Variants in ATP8B4 observed in about 807,000 individuals in gnomAD.
ATP8B4 encodes ATPase phospholipid transporting 8B4 (putative), also known as probable phospholipid-transporting ATPase IM.
A neutral mutation model predicts 145.6 loss-of-function variants in ATP8B4; 133 were observed. The observed-to-expected ratio is 0.91, with a 90% CI of 0.79 to 1.05. ATP8B4 has a LOEUF of 1.05. Ranked by LOEUF, ATP8B4 falls within the 50% of genes least tolerant of loss-of-function variation. ATP8B4 has a pLI of 0.00. For missense variants in ATP8B4, 1,458 were observed against 1,425.2 expected (o/e 1.02, Z -0.37); for synonymous variants, 507 against 492.9 (o/e 1.03, Z -0.38).
At chr15:50,023,022 C>T (rs900947213) in intron 6 of ATP8B4, among the ~76,000 whole-genome samples, 1 of 152,130 alleles carries the variant, frequency 6.6e-6, no homozygotes, top group Non-Finnish European at 1.5e-5. Flanking sequence ...TGAAAACTTT[C>T]TGCCAGAAAG....
At chr15:50,176,810 A>T (rs2044770307) in intron 1 of ATP8B4, among the ~76,000 whole-genome samples, 1 of 152,202 alleles carries the variant, frequency 6.6e-6, no homozygotes, top group Non-Finnish European at 1.5e-5. Context: ...CTCAAATTAT[A>T]AATTGTCCTG....
At chr15:49,996,114 G>C (rs1045928713) in intron 9 of ATP8B4, among the ~76,000 whole-genome samples, 2 of 152,112 alleles carry the variant, frequency 1.3e-5, no homozygotes, top group African/African-American at 4.8e-5. Flanking sequence ...ATGGTATGAA[G>C]ATGGAAATAC....
intron 27 of ATP8B4, among the ~76,000 whole-genome samples, chr15:49,861,386 T>C (rs1463438593): frequency 6.6e-6 from 1 of 150,590 alleles, no homozygotes; most frequent in African/African-American, 2.5e-5. Context: ...GTCAGAGACA[T>C]CATGATTAAA....
intron 10 of ATP8B4, among the ~76,000 whole-genome samples, chr15:49,983,978 G>C (rs2153538295): frequency 6.6e-6 from 1 of 152,264 alleles, no homozygotes. Flanking sequence ...ATTTGTTTTT[G>C]TTCACATTTT....
chr15:50,143,757 T>C (rs1487927527), intron 1 of ATP8B4, among the ~76,000 whole-genome samples: 3 of 152,210 alleles, frequency 2.0e-5, no homozygotes, highest in Non-Finnish European at 4.4e-5. Context: ...GGGATGATTC[T>C]GCATTCCTGA....
At chr15:49,951,524 C>CT (rs1411462068) in intron 14 of ATP8B4, among the ~76,000 whole-genome samples, 3 of 151,738 alleles carry the variant, frequency 2.0e-5, no homozygotes, top group African/African-American at 7.3e-5. Flanking sequence ...GCAAACCCTG[C>CT]TTTTTTTTGC....
rs574265329 is a variant in ATP8B4, at chr15:50,102,119, T to C, written c.28+4820A>G. Among the ~76,000 whole-genome samples, 471 of 152,160 alleles carry C rather than the reference T, an allele frequency of 3.1e-3. 4 individuals carry two copies. Among genetic ancestry groups the C allele is most frequent in the African/African-American group, 0.011 (460 of 41,522 alleles). ...GTGCTAAGAGGAAACTTCATAGCATTAAATGCCTACATCAAAAAGTCTGAA... is the reference window on the plus strand; with the variant it reads ...GTGCTAAGAGGAAACTTCATAGCATCAAATGCCTACATCAAAAAGTCTGAA... On this transcript the variant is annotated intron_variant, in intron 2 of 27. Coordinates refer to ENST00000284509, the MANE Select transcript of ATP8B4 (RefSeq NM_024837.4).
At chr15:50,169,074 T>C (rs968473008) in intron 1 of ATP8B4, among the ~76,000 whole-genome samples, 7 of 151,942 alleles carry the variant, frequency 4.6e-5, no homozygotes, top group African/African-American at 1.7e-4. Flanking sequence ...CCCACCCCCA[T>C]CTGATGGTCC....
chr15:50,146,541 T>G (rs190161195), intron 1 of ATP8B4, among the ~76,000 whole-genome samples: 3 of 152,216 alleles, frequency 2.0e-5, no homozygotes, highest in Admixed American at 6.5e-5. Flanking sequence ...TAAGGTAAGT[T>G]TGTCTTTGGT....
intron 3 of ATP8B4, among the ~76,000 whole-genome samples, chr15:50,059,463 A>G (rs2052846763): frequency 6.6e-6 from 1 of 152,190 alleles, no homozygotes; most frequent in South Asian, 2.1e-4. Flanking sequence ...GCTAGGAATA[A>G]CTGTTAACGT....
At chr15:50,020,668 C>A (rs561431713) in intron 6 of ATP8B4, among the ~76,000 whole-genome samples, 1 of 152,198 alleles carries the variant, frequency 6.6e-6, no homozygotes, top group Admixed American at 6.6e-5. Flanking sequence ...ACCACCACCA[C>A]CACATGCTTC....
chr15:50,061,994 T>C (rs565145112), intron 3 of ATP8B4, among the ~76,000 whole-genome samples: 10 of 152,344 alleles, frequency 6.6e-5, no homozygotes, highest in African/African-American at 2.4e-4. Context: ...AATACTGTTA[T>C]TTCATTTATG....
chr15:50,063,514 G>A (rs1387259873), intron 3 of ATP8B4, among the ~76,000 whole-genome samples: 4 of 152,076 alleles, frequency 2.6e-5, no homozygotes, highest in Non-Finnish European at 5.9e-5. Flanking sequence ...TGCCTATTAT[G>A]TGCCAACAAG....
At position 49,961,969 on chromosome 15, in the gene ATP8B4, T is replaced by G. The variant is rs377268786; in HGVS notation, c.1287+8A>C. 1 of 1,590,870 alleles carries G rather than the reference T, an allele frequency of 6.3e-7. No homozygotes were observed. Among genetic ancestry groups the G allele is most frequent in the Non-Finnish European group, 8.5e-7 (1 of 1,170,830 alleles). ...AAAACTAAGAATAAAATTTTATCAC[T>G]TCCACACCTGAGTTATTTCTGTCTT... On this transcript the variant is annotated splice_region_variant and intron_variant, in intron 14 of 27. Transcript: ENST00000284509.
At chr15:50,126,627 T>G (rs9920507) in intron 1 of ATP8B4, among the ~76,000 whole-genome samples, 4,502 of 152,316 alleles carry the variant, frequency 0.03, 221 homozygotes, top group African/African-American at 0.1. Flanking sequence ...ACTCTCTTAC[T>G]TATCAAGTTG....
chr15:49,901,343 CA>C, intron 20 of ATP8B4, 104 bp from the exon 21 acceptor site: 3 of 1,235,652 alleles, frequency 2.4e-6, no homozygotes, highest in Non-Finnish European at 3.3e-6. Flanking sequence ...CACCACTATT[CA>C]GAGAGAATAT....
intron 2 of ATP8B4, among the ~76,000 whole-genome samples, chr15:50,085,802 C>G (rs530226246): frequency 7.3e-6 from 1 of 137,076 alleles, no homozygotes; most frequent in East Asian, 2.1e-4. Context: ...CATTTTATTA[C>G]GTATTTCATT....
At chr15:50,048,693 G>A (rs990311601) in intron 3 of ATP8B4, among the ~76,000 whole-genome samples, 3 of 148,504 alleles carry the variant, frequency 2.0e-5, no homozygotes, top group African/African-American at 7.4e-5. Flanking sequence ...GGGTGATGGA[G>A]CAAGACTCTG....
Position 49,859,935 on chromosome 15 carries a change from A to T in ATP8B4, c.*259T>A, listed in dbSNP as rs1050925831. Reference sequence around the variant, plus strand: ...GGTCAATTGGTATCTAGGTTGATTTAAAAAAAAAAAAAATCTGTACTTGTA... The same window carrying T: ...GGTCAATTGGTATCTAGGTTGATTTTAAAAAAAAAAAAATCTGTACTTGTA... On this transcript the variant is annotated 3_prime_UTR_variant, in exon 28 of 28. Transcript: ENST00000284509. 33 of 80,154 alleles carry T rather than the reference A, an allele frequency of 4.1e-4. No individual in the cohort carries two copies. The highest frequency in any genetic ancestry group is 1.1e-3 in the African/African-American group (21 of 18,538). 5.0% of individuals were successfully genotyped at this position (80,154 alleles called of 1,614,324 possible).
Sources: allele counts gnomAD v4.1 joint callset (sites outside exome capture counted in the v4.1 genomes callset), GRCh38; gene constraint gnomAD v4.1.1; transcripts MANE v1.5; gene names NCBI Gene and HGNC (gene_info 2026-07-23, HGNC 2026-07-21).